Variants in CPE observed in about 807,000 individuals in gnomAD.
The protein encoded by CPE is carbocypeptidase E.
A neutral mutation model predicts 53.5 loss-of-function variants in CPE; 17 were observed. The ratio of observed to expected loss-of-function variants is 0.32; its 90% CI spans 0.22 to 0.48. CPE has a LOEUF of 0.48. CPE is among the 20% of genes least tolerant of loss of function. The pLI is 0.99. For missense variants in CPE, 524 were observed against 614.7 expected (o/e 0.85, Z 1.56); for synonymous variants, 226 against 228.8 (o/e 0.99, Z 0.11).
chr4:165,386,359 A>G (rs759504002), intron 1 of CPE: 11 of 444,096 alleles, frequency 2.5e-5, no homozygotes, highest in Admixed American at 2.2e-4. Flanking sequence ...CTGAATGTCT[A>G]GTATTATGCT....
intron 4 of CPE, among the ~76,000 whole-genome samples, chr4:165,483,556 A>G (rs1485314063): frequency 2.0e-5 from 3 of 152,226 alleles, no homozygotes; most frequent in African/African-American, 7.2e-5. Flanking sequence ...GTTCTTTGAG[A>G]AATCTCTGTA....
chr4:165,444,372 A>G (rs566965367), intron 1 of CPE, among the ~76,000 whole-genome samples: 2 of 152,240 alleles, frequency 1.3e-5, no homozygotes, highest in Admixed American at 1.3e-4. Context: ...TTAGAAAAAG[A>G]TATCATTGAC....
intron 2 of CPE, 117 bp downstream of exon 2, chr4:165,464,703 G>A: frequency 5.0e-6 from 4 of 803,534 alleles, no homozygotes; most frequent in East Asian, 2.9e-5. Flanking sequence ...GCAGTGGAGG[G>A]CATAAGTGAT....
chr4:165,391,348 C>T (rs4691188), intron 1 of CPE, among the ~76,000 whole-genome samples: 37,398 of 151,782 alleles, frequency 0.25, 4,795 homozygotes, highest in East Asian at 0.39. Context: ...GACAGTAGTA[C>T]AGGGAAAACA....
chr4:165,379,392 C>T lies in CPE; in HGVS notation c.171C>T (p.Pro57=). 1 of 1,609,328 alleles carries T rather than the reference C, an allele frequency of 6.2e-7. No homozygotes were observed. The highest frequency in any genetic ancestry group is 8.5e-7 in the Non-Finnish European group (1 of 1,178,792). ...DGISFEYHRY[P]ELREALVSVW... ...TCTCCTTCGAGTACCACCGCTACCCCGAGCTGCGCGAGGCGCTCGTGTCCG... is the reference window on the plus strand; with the variant it reads ...TCTCCTTCGAGTACCACCGCTACCCTGAGCTGCGCGAGGCGCTCGTGTCCG... The change falls in exon 1 of 9, where the codon CCC becomes CCT. Residue 57 remains proline (P), a synonymous_variant. Transcript: ENST00000402744. This position sits in a 1 kb window ranked among gnomAD's most constrained non-coding sequence, Gnocchi z 6.0.
rs538619915 is a variant in CPE at position 165,482,943 on chromosome 4, A to G, written c.790+584A>G. On this transcript the variant is annotated intron_variant, in intron 4 of 8. Coordinates refer to ENST00000402744, the MANE Select transcript of CPE (RefSeq NM_001873.4). ...TGCTCCAGGGAATTTCCTGCTTTGG[A>G]TCTATTTTCTGGGGCCTTTGAAGAG... 2.2e-4 allele frequency among the ~76,000 whole-genome samples: 33 copies of G among 151,248 alleles called. No homozygotes were observed. In the East Asian group the frequency reaches 4.1e-3, roughly 19 times the overall value.
chr4:165,473,789 A>T (rs1302925199), intron 3 of CPE, among the ~76,000 whole-genome samples: 1 of 152,246 alleles, frequency 6.6e-6, no homozygotes, highest in African/African-American at 2.4e-5. Flanking sequence ...GAAGGAGATT[A>T]GCACAGAGTA....
intron 1 of CPE, among the ~76,000 whole-genome samples, chr4:165,453,976 ATT>A (rs33941193): frequency 0.23 from 34,684 of 151,112 alleles, 5,148 homozygotes; most frequent in African/African-American, 0.42. Context: ...AAAAGCTAGA[ATT>A]TTTTTTTTTA....
intron 2 of CPE, among the ~76,000 whole-genome samples, chr4:165,465,486 T>C (rs895872023): frequency 6.6e-6 from 1 of 152,102 alleles, no homozygotes; most frequent in African/African-American, 2.4e-5. Context: ...CAGATTATCA[T>C]TGCTGTTTTC....
intron 1 of CPE, among the ~76,000 whole-genome samples, chr4:165,400,055 C>G (rs971173087): frequency 1.3e-5 from 2 of 152,134 alleles, no homozygotes; most frequent in Admixed American, 6.5e-5. Context: ...TCCTTAAATG[C>G]TAGACTGAGG....
chr4:165,385,758 G>A (rs1730581624), intron 1 of CPE, among the ~76,000 whole-genome samples: 2 of 152,156 alleles, frequency 1.3e-5, no homozygotes, highest in African/African-American at 4.8e-5. Flanking sequence ...CAGTATTTGA[G>A]AATGTCTTTA....
At position 165,418,414 on chromosome 4, in the gene CPE, A is replaced by C. The variant is rs546804409; in HGVS notation, c.307+38886A>C. ...TCAGTGAGGAGTGATTGTGCTGAAA[A>C]TCACAAAGTCTATAAAATTATCCAT... On this transcript the variant is annotated intron_variant, in intron 1 of 8. Coordinates refer to ENST00000402744, the MANE Select transcript of CPE (RefSeq NM_001873.4). The C allele has an allele frequency of 3.3e-5, 5 of 152,356 alleles. 1 individual carries two copies. In the East Asian group the frequency reaches 9.6e-4, roughly 29 times the overall value. The allele number at this position is 152,356 out of a possible 1,614,324, so 9.4% of individuals were successfully genotyped here.
intron 1 of CPE, among the ~76,000 whole-genome samples, chr4:165,449,348 C>G (rs80014363): frequency 0.056 from 8,580 of 152,184 alleles, 319 homozygotes; most frequent in Non-Finnish European, 0.086. Flanking sequence ...CGGGTGACAC[C>G]AAAAATGTTG....
At chr4:165,381,354 T>C (rs1280016579) in intron 1 of CPE, 3 of 455,902 alleles carry the variant, frequency 6.6e-6, no homozygotes, top group Non-Finnish European at 8.8e-6. Context: ...GGCTTGAATA[T>C]ACATTATGAA....
intron 1 of CPE, among the ~76,000 whole-genome samples, chr4:165,445,973 A>G (rs549449704): frequency 1.3e-5 from 2 of 152,218 alleles, no homozygotes; most frequent in Non-Finnish European, 2.9e-5. Context: ...ATGGAAACCT[A>G]ATTTATGATA....
chr4:165,392,745 G>A (rs1730705136), intron 1 of CPE, among the ~76,000 whole-genome samples: 1 of 147,436 alleles, frequency 6.8e-6, no homozygotes, highest in Non-Finnish European at 1.5e-5. Flanking sequence ...TCTTGGTGAG[G>A]GAAATCAGCC....
intron 1 of CPE, among the ~76,000 whole-genome samples, chr4:165,427,246 T>G (rs1731336342): frequency 6.6e-6 from 1 of 152,214 alleles, no homozygotes; most frequent in South Asian, 2.1e-4. Flanking sequence ...GTTCTTTTGA[T>G]TGAAAGAATT....
chr4:165,385,443 CTTTTTTT>C (rs70955613), intron 1 of CPE, among the ~76,000 whole-genome samples: 2 of 107,008 alleles, frequency 1.9e-5, no homozygotes, highest in Admixed American at 1.1e-4. Flanking sequence ...CAAATGTTTG[CTTTTTTT>C]TTTTTTTTTT....
chr4:165,478,214 G>A (rs569303949), intron 3 of CPE, among the ~76,000 whole-genome samples: 76 of 152,184 alleles, frequency 5.0e-4, no homozygotes, highest in Admixed American at 1.5e-3. Flanking sequence ...TTTAAAGAAA[G>A]GCCACAATTG....
Sources: gnomAD v4.1 joint callset for allele counts (sites outside exome capture counted in the v4.1 genomes callset) on GRCh38, gnomAD v4.1.1 for gene constraint, Gnocchi (gnomAD v3.1) non-coding constraint, MANE v1.5 for transcripts, NCBI Gene and HGNC (gene_info 2026-07-23, HGNC 2026-07-21) for gene names.